RBFOX1: variants seen among roughly 807,000 people sequenced by gnomAD.
RBFOX1 encodes RNA binding protein fox-1 homolog 1.
A neutral mutation model predicts 57.7 loss-of-function variants in RBFOX1; 8 were observed. That is an observed-to-expected ratio of 0.14 (90% CI 0.08 to 0.25). The LOEUF (loss-of-function observed/expected upper bound fraction) is 0.25, where lower values mean the gene tolerates loss of function less well. RBFOX1 is among the 10% of genes least tolerant of loss of function. The pLI, the probability that RBFOX1 is intolerant of heterozygous loss-of-function variation, is 1.00. For missense variants in RBFOX1, 611 were observed against 548.5 expected (o/e 1.11, Z -1.14); for synonymous variants, 326 against 222.4 (o/e 1.47, Z -4.15).
chr16:5,678,823 C>T (rs1249020222), intron 3 of RBFOX1, among the ~76,000 whole-genome samples: 2 of 152,138 alleles, frequency 1.3e-5, no homozygotes, highest in Non-Finnish European at 2.9e-5. Flanking sequence ...TGTTCTAGCA[C>T]GTTAAATTTG....
intron 1 of RBFOX1, among the ~76,000 whole-genome samples, chr16:5,339,470 G>GTTTCTTTT (rs2064982581): frequency 4.9e-5 from 2 of 40,854 alleles, no homozygotes; most frequent in Non-Finnish European, 9.0e-5. Flanking sequence ...CTTTTTCCGT[G>GTTTCTTTT]TTTTTTTTTT....
In RBFOX1 at chr16:7,071,450, T is replaced by C. The variant is rs138021649; in HGVS notation, c.27+19352T>C. Among the ~76,000 whole-genome samples the C allele has an allele frequency of 4.4e-3, 670 of 152,236 alleles. 3 individuals carry two copies. Among genetic ancestry groups the C allele is most frequent in the Non-Finnish European group, 6.7e-3 (457 of 68,022 alleles). ...GAAGTGTGGCAGATCATTTAAAGGA[T>C]ATATATGTATTACATACATATTATA... On this transcript the variant is annotated intron_variant, in intron 4 of 15. Transcript: ENST00000550418.
At chr16:6,200,693 C>G (rs2097209238) in intron 1 of RBFOX1, among the ~76,000 whole-genome samples, 1 of 152,106 alleles carries the variant, frequency 6.6e-6, no homozygotes, top group South Asian at 2.1e-4. Context: ...AAGAAGTTCA[C>G]AAGTTTGCTT....
chr16:7,676,122 A>C (rs1445293899), intron 13 of RBFOX1, among the ~76,000 whole-genome samples: 1 of 152,200 alleles, frequency 6.6e-6, no homozygotes, highest in Non-Finnish European at 1.5e-5. Context: ...CATATTTTCC[A>C]CACCAAACAA....
At chr16:7,362,313 T>C (rs201237028) in intron 4 of RBFOX1, among the ~76,000 whole-genome samples, 1 of 145,940 alleles carries the variant, frequency 6.9e-6, no homozygotes, top group African/African-American at 2.5e-5. Flanking sequence ...TGTTTGCGTG[T>C]GTGTGTGTAT....
At chr16:5,705,561 C>A (rs59301542) in intron 3 of RBFOX1, among the ~76,000 whole-genome samples, 30,946 of 152,140 alleles carry the variant, frequency 0.2, 4,408 homozygotes, top group East Asian at 0.63. Context: ...CATTAGTACA[C>A]ACAATTTGTT....
At chr16:7,442,254 A>C (rs373536252) in intron 4 of RBFOX1, among the ~76,000 whole-genome samples, 1 of 152,070 alleles carries the variant, frequency 6.6e-6, no homozygotes, top group South Asian at 2.1e-4. Context: ...CTCCCCAGCC[A>C]TCCCCAAGCG....
intron 1 of RBFOX1, among the ~76,000 whole-genome samples, chr16:6,292,420 C>T (rs1012202642): frequency 3.3e-5 from 5 of 150,216 alleles, no homozygotes; most frequent in African/African-American, 1.2e-4. Flanking sequence ...TTTTCTCAGA[C>T]AAAAGTAGTT....
Position 6,906,241 on chromosome 16 carries a change from C to CCA in RBFOX1, c.-15-145815_-15-145814insAC, listed in dbSNP as rs1440001132. On this transcript the variant is annotated intron_variant, in intron 3 of 15. Transcript: ENST00000550418. ...GCAACCCCAAAAAGCAATTTATTACCCCCCCCCAAAATATACATTGTCATG... is the reference window on the plus strand; with the variant it reads ...GCAACCCCAAAAAGCAATTTATTACCCACCCCCCCAAAATATACATTGTCATG... 3.3e-5 allele frequency among the ~76,000 whole-genome samples: 5 copies of CCA among 151,290 alleles called. No homozygotes were observed. The East Asian group carries it at 5.8e-4, about 18-fold the overall frequency.
chr16:6,439,098 A>C (rs897305176), intron 2 of RBFOX1, among the ~76,000 whole-genome samples: 4 of 152,086 alleles, frequency 2.6e-5, no homozygotes, highest in African/African-American at 9.7e-5. Context: ...TCTGTTGTGA[A>C]AACCTATGCA....
intron 5 of RBFOX1, among the ~76,000 whole-genome samples, chr16:7,574,373 C>G (rs1567905322): frequency 6.6e-6 from 1 of 152,176 alleles, no homozygotes. Context: ...GGAGTATTGA[C>G]TCACACGATC....
chr16:7,537,511 T>C (rs1024696), intron 5 of RBFOX1, among the ~76,000 whole-genome samples: 99,661 of 152,024 alleles, frequency 0.66, 35,906 homozygotes, highest in Non-Finnish European at 0.82. Flanking sequence ...GACCTACACT[T>C]ATAACCACAA....
chr16:5,977,855 T>C (rs1023581883), intron 4 of RBFOX1, among the ~76,000 whole-genome samples: 5 of 152,090 alleles, frequency 3.3e-5, no homozygotes, highest in African/African-American at 9.7e-5. Flanking sequence ...TTTTGGCTTT[T>C]TGAGTCGAAA....
intron 2 of RBFOX1, among the ~76,000 whole-genome samples, chr16:5,589,826 C>T (rs937033408): frequency 2.6e-5 from 4 of 152,178 alleles, no homozygotes; most frequent in South Asian, 2.1e-4. Flanking sequence ...TCTACGTGAC[C>T]CCCAGTGCAG....
intron 2 of RBFOX1, among the ~76,000 whole-genome samples, chr16:6,355,562 CTT>C (rs997017985): frequency 4.6e-5 from 7 of 152,144 alleles, no homozygotes; most frequent in African/African-American, 1.7e-4. Flanking sequence ...GGTTCCAAGT[CTT>C]TGCTATTGTG....
intron 4 of RBFOX1, among the ~76,000 whole-genome samples, chr16:7,237,119 G>A (rs1488100213): frequency 6.6e-6 from 1 of 152,150 alleles, no homozygotes; most frequent in Non-Finnish European, 1.5e-5. Context: ...ACTTCCCAGG[G>A]GCTGCAATAC....
chr16:5,706,343 A>G (rs765659404), intron 3 of RBFOX1, among the ~76,000 whole-genome samples: 119 of 152,216 alleles, frequency 7.8e-4, no homozygotes, highest in Non-Finnish European at 1.4e-3. Flanking sequence ...GTGGAAATAC[A>G]GTTCCAAGCA....
intron 2 of RBFOX1, among the ~76,000 whole-genome samples, chr16:6,587,693 G>C (rs900936930): frequency 6.6e-6 from 1 of 152,154 alleles, no homozygotes; most frequent in African/African-American, 2.4e-5. Flanking sequence ...GTAAAAAACA[G>C]AGAGATGATT....
intron 2 of RBFOX1, among the ~76,000 whole-genome samples, chr16:6,563,816 A>T (rs996169397): frequency 2.6e-5 from 4 of 151,256 alleles, no homozygotes; most frequent in Non-Finnish European, 5.9e-5. Context: ...ACACAGTGGG[A>T]TCCTGTCTCC....
Sources: allele counts gnomAD v4.1 joint callset (sites outside exome capture counted in the v4.1 genomes callset), GRCh38; gene constraint gnomAD v4.1.1; transcripts MANE v1.5; gene names NCBI Gene and HGNC (gene_info 2026-07-23, HGNC 2026-07-21).